Variants in SIN3A observed in about 807,000 individuals in gnomAD.
SIN3A encodes the protein paired amphipathic helix protein Sin3a.
In SIN3A, 14 loss-of-function variants were observed where a neutral mutation model predicts 146.1. The observed-to-expected ratio is 0.10, with a 90% confidence interval of 0.06 to 0.15. The LOEUF is 0.15. Among genes scored for constraint, SIN3A ranks in the 10% least tolerant of loss-of-function variants. The probability of loss-of-function intolerance (pLI) is 1.00; values close to 1 mark genes in which losing one functional copy is unlikely to be tolerated. For missense variants in SIN3A, 1,028 were observed against 1,576.0 expected (o/e 0.65, Z 5.89); for synonymous variants, 572 against 572.0 (o/e 1.00, Z 0.00).
chr15:75,444,871 A>C (rs558747057), intron 1 of SIN3A, among the ~76,000 whole-genome samples: 1 of 152,336 alleles, frequency 6.6e-6, no homozygotes, highest in East Asian at 1.9e-4. Flanking sequence ...TAGGGCTATT[A>C]TTTGTATTAT....
Position 75,384,406 on chromosome 15 carries a change from A to G in SIN3A, c.3053T>C (p.Val1018Ala), listed in dbSNP as rs2073041783. 3.7e-6 allele frequency: 6 copies of G among 1,613,296 alleles called. No individual in the cohort carries two copies. In the East Asian group the frequency reaches 1.3e-4, roughly 36 times the overall value. The change falls in exon 17 of 21, where the codon GTG becomes GCG. Residue 1018 changes from valine (V) to alanine (A), a missense_variant. This residue lies in a region of SIN3A where 488 missense variants were observed against 690.2 expected (regional missense o/e 0.71). Coordinates refer to ENST00000394947, the MANE Select transcript of SIN3A (RefSeq NM_001145358.2). ...TGCCAGGTAAAGGTCAGTCACCTGC[A>G]CACAGATCTCATCACTCACGATATG... The part of the protein sequence containing the change: ...LQHIVSDEIC[V>A]QVTDLYLAEN...
At position 75,425,105 on chromosome 15, in the gene SIN3A, G is replaced by A. The variant is rs191184021; in HGVS notation, c.190-2282C>T. 4.3e-3 allele frequency among the ~76,000 whole-genome samples: 649 copies of A among 152,304 alleles called. 6 individuals are homozygous for A. Among genetic ancestry groups the A allele is most frequent in the African/African-American group, 0.014 (590 of 41,562 alleles). On this transcript the variant is annotated intron_variant, in intron 2 of 20. Transcript: ENST00000394947. Reference sequence around the variant, plus strand: ...TATGATAAAAAGATTTCAAACCTTAGACAACTAATATATAGCAAAATGTTG... The same window carrying A: ...TATGATAAAAAGATTTCAAACCTTAAACAACTAATATATAGCAAAATGTTG...
At position 75,412,931 on chromosome 15, in the gene SIN3A, G is replaced by A. The variant is rs1310214347; in HGVS notation, c.588C>T (p.Thr196=). The change falls in exon 5 of 21, where the codon ACC becomes ACT. Residue 196 remains threonine (T), a synonymous_variant. Coordinates refer to ENST00000394947, the MANE Select transcript of SIN3A (RefSeq NM_001145358.2). Reference sequence around the variant, plus strand: ...GAGTTGTCACATTCACCATGTCATTGGTTTGCACCTCAATTTTGTAGCCAG... The same window carrying A: ...GAGTTGTCACATTCACCATGTCATTAGTTTGCACCTCAATTTTGTAGCCAG... ...LPPGYKIEVQ[T]NDMVNVTTPG... 3 of 1,614,056 alleles carry A rather than the reference G, an allele frequency of 1.9e-6. No homozygotes were observed. The highest frequency in any genetic ancestry group is 2.5e-6 in the Non-Finnish European group (3 of 1,180,002).
intron 19 of SIN3A, among the ~76,000 whole-genome samples, chr15:75,376,859 T>TAAAA (rs200318256): frequency 1.9e-4 from 22 of 115,788 alleles, no homozygotes; most frequent in African/African-American, 5.7e-4. Flanking sequence ...GACACTGTCT[T>TAAAA]AAAAAAAAAA....
intron 19 of SIN3A, 125 bp from the exon 20 acceptor site, chr15:75,375,997 C>G (rs1294443956): frequency 6.4e-6 from 6 of 933,496 alleles, no homozygotes; most frequent in Non-Finnish European, 8.2e-6. Context: ...AATACATACA[C>G]AAATGTTCAG....
At chr15:75,422,593 G>C in intron 3 of SIN3A, 54 bp downstream of exon 3, 1 of 1,581,712 alleles carries the variant, frequency 6.3e-7, no homozygotes, top group East Asian at 2.2e-5. Context: ...GCTGCAACCA[G>C]TATTTCCTGC....
At chr15:75,374,283 G>A (rs1218734665) in intron 20 of SIN3A, among the ~76,000 whole-genome samples, 1 of 152,096 alleles carries the variant, frequency 6.6e-6, no homozygotes, top group Admixed American at 6.5e-5. Context: ...ATCACTTGAG[G>A]TCAGGTTCGA....
intron 2 of SIN3A, among the ~76,000 whole-genome samples, chr15:75,427,767 C>T (rs1409904253): frequency 6.6e-6 from 1 of 151,970 alleles, no homozygotes; most frequent in Non-Finnish European, 1.5e-5. Context: ...GTCAGGAGTT[C>T]GAGACCAGTC....
intron 1 of SIN3A, among the ~76,000 whole-genome samples, chr15:75,433,376 G>A (rs1216649978): frequency 2.6e-5 from 4 of 152,074 alleles, no homozygotes; most frequent in Non-Finnish European, 5.9e-5. Context: ...AAGTATTACA[G>A]TACTATGGTT....
Position 75,392,822 on chromosome 15 carries a change from G to A in SIN3A, c.2278-7C>T. 6.3e-7 allele frequency: 1 copy of A among 1,587,176 alleles called. No individual in the cohort carries two copies. Among genetic ancestry groups the A allele is most frequent in the Non-Finnish European group, 8.6e-7 (1 of 1,164,214 alleles). ...CCGTAGCCTGCTCTTGCCTCTGATG[G>A]GACAGAGACACAAAAGTATTCTGTG... On this transcript the variant is annotated splice_region_variant and splice_polypyrimidine_tract_variant and intron_variant, in intron 14 of 20. Coordinates refer to ENST00000394947, the MANE Select transcript of SIN3A (RefSeq NM_001145358.2).
chr15:75,390,927 C>T (rs1408452171), intron 15 of SIN3A, among the ~76,000 whole-genome samples: 4 of 152,132 alleles, frequency 2.6e-5, no homozygotes, highest in South Asian at 2.1e-4. Flanking sequence ...AGTTACAAAA[C>T]GAACTATTTG....
At chr15:75,411,769 T>A in intron 5 of SIN3A, 26 bp from the exon 6 acceptor site, 1 of 1,548,590 alleles carries the variant, frequency 6.5e-7, no homozygotes. Flanking sequence ...ATCTTTATTC[T>A]CTTCAGATGC....
At chr15:75,423,656 C>G (rs763080698) in intron 2 of SIN3A, among the ~76,000 whole-genome samples, 5 of 151,680 alleles carry the variant, frequency 3.3e-5, no homozygotes, top group Non-Finnish European at 7.4e-5. Context: ...CCAGCCTGCA[C>G]GACAAAGCAA....
At chr15:75,391,515 AAAG>A (rs1403637626) in intron 15 of SIN3A, among the ~76,000 whole-genome samples, 21 of 152,024 alleles carry the variant, frequency 1.4e-4, no homozygotes, top group South Asian at 1.0e-3. Context: ...AAAAAAAAAA[AAAG>A]AAGAAGAAGA....
At chr15:75,413,387 C>CTGGGATTACAGGCA (rs1174113382) in intron 4 of SIN3A, among the ~76,000 whole-genome samples, 1 of 152,200 alleles carries the variant, frequency 6.6e-6, no homozygotes, top group Admixed American at 6.5e-5. Context: ...TCCCAAAGTG[C>CTGGGATTACAGGCA]TGGGATTACA....
At chr15:75,435,206 C>G (rs2074085754) in intron 1 of SIN3A, among the ~76,000 whole-genome samples, 1 of 151,886 alleles carries the variant, frequency 6.6e-6, no homozygotes, top group Non-Finnish European at 1.5e-5. Flanking sequence ...TTTTGGAATA[C>G]TGAAACTATC....
intron 3 of SIN3A, among the ~76,000 whole-genome samples, chr15:75,417,624 C>G (rs1219255006): frequency 6.6e-6 from 1 of 152,116 alleles, no homozygotes; most frequent in Non-Finnish European, 1.5e-5. Flanking sequence ...ACTGATCCGC[C>G]TGCCTCAGCC....
At chr15:75,382,253 C>A (rs1175929211) in intron 17 of SIN3A, among the ~76,000 whole-genome samples, 2 of 152,226 alleles carry the variant, frequency 1.3e-5, no homozygotes, top group Non-Finnish European at 2.9e-5. Context: ...GAAGCTAGAT[C>A]TAGCTCAGTG....
At chr15:75,411,337 A>G (rs901476168) in intron 6 of SIN3A, among the ~76,000 whole-genome samples, 155 bp downstream of exon 6, 2 of 152,240 alleles carry the variant, frequency 1.3e-5, no homozygotes, top group Non-Finnish European at 2.9e-5. Flanking sequence ...CGAAAAACAA[A>G]CAAACAAACA....
Sources: gnomAD v4.1 joint callset for allele counts (sites outside exome capture counted in the v4.1 genomes callset) on GRCh38, gnomAD v4.1.1 for gene constraint, gnomAD v4.1.1 regional missense constraint, MANE v1.5 for transcripts, NCBI Gene and HGNC (gene_info 2026-07-23, HGNC 2026-07-21) for gene names.